Variants in PTPN11 observed in about 807,000 individuals in gnomAD.
PTPN11 encodes tyrosine-protein phosphatase non-receptor type 11.
Under a neutral mutation model 78.8 loss-of-function variants are expected in PTPN11, and 6 were observed. That is an observed-to-expected ratio of 0.08 (90% CI 0.04 to 0.15). PTPN11 has a LOEUF of 0.15. Among genes scored for constraint, PTPN11 ranks in the 10% least tolerant of loss-of-function variants. PTPN11 has a pLI of 1.00. For synonymous variants in PTPN11, 221 were observed against 263.5 expected, an observed-to-expected ratio of 0.84 and a Z score of 1.56; for missense variants, 386 against 744.8, an observed-to-expected ratio of 0.52 and a Z score of 5.61.
chr12:112,442,631 T>C (rs1034621536), intron 1 of PTPN11, among the ~76,000 whole-genome samples: 1 of 150,508 alleles, frequency 6.6e-6, no homozygotes, highest in Non-Finnish European at 1.5e-5. Context: ...TTTGTATTTT[T>C]AGTAGAGACA....
intron 1 of PTPN11, among the ~76,000 whole-genome samples, chr12:112,432,406 C>T (rs575935574): frequency 6.6e-6 from 1 of 152,162 alleles, no homozygotes; most frequent in Non-Finnish European, 1.5e-5. Context: ...TGGCTCTCAC[C>T]TGCAATCCCA....
intron 1 of PTPN11, among the ~76,000 whole-genome samples, chr12:112,431,110 A>T (rs2037706048): frequency 6.6e-6 from 1 of 152,176 alleles, no homozygotes; most frequent in African/African-American, 2.4e-5. Context: ...CCTCCTGTTG[A>T]CACCACCCGG....
chr12:112,496,519 A>G (rs1476417277), intron 13 of PTPN11, among the ~76,000 whole-genome samples: 1 of 152,220 alleles, frequency 6.6e-6, no homozygotes, highest in Non-Finnish European at 1.5e-5. Context: ...ATATATATCT[A>G]TAATTGTTTT....
intron 3 of PTPN11, among the ~76,000 whole-genome samples, chr12:112,452,284 T>TG (rs2038089903): frequency 6.6e-6 from 1 of 152,036 alleles, no homozygotes; most frequent in Non-Finnish European, 1.5e-5. Context: ...TGGAGTGCAA[T>TG]GGTGCGATCT....
chr12:112,491,450 C>T (rs992101309), intron 13 of PTPN11, among the ~76,000 whole-genome samples: 2 of 151,946 alleles, frequency 1.3e-5, no homozygotes, highest in African/African-American at 4.8e-5. Context: ...AACATTTATA[C>T]CCCTTTGTCT....
chr12:112,485,783 C>T (rs1366587779), intron 10 of PTPN11, among the ~76,000 whole-genome samples: 2 of 152,058 alleles, frequency 1.3e-5, no homozygotes, highest in African/African-American at 2.4e-5. Flanking sequence ...TTGCAACCAG[C>T]CTGGCCAATA....
At chr12:112,419,907 T>C (rs2037495284) in intron 1 of PTPN11, among the ~76,000 whole-genome samples, 2 of 152,192 alleles carry the variant, frequency 1.3e-5, no homozygotes, top group Non-Finnish European at 2.9e-5. Flanking sequence ...AGTGAGTTAA[T>C]GAGATCCTTT....
intron 13 of PTPN11, among the ~76,000 whole-genome samples, chr12:112,501,384 G>A (rs2038872732): frequency 6.6e-6 from 1 of 152,194 alleles, no homozygotes; most frequent in Admixed American, 6.5e-5. Flanking sequence ...CACTTTGGGA[G>A]GCTGAGGCAG....
intron 6 of PTPN11, among the ~76,000 whole-genome samples, chr12:112,467,472 G>C (rs559005314): frequency 6.6e-6 from 1 of 152,164 alleles, no homozygotes; most frequent in South Asian, 2.1e-4. Context: ...TGGCAAGGGT[G>C]GGGTGGGAGC....
intron 1 of PTPN11, chr12:112,428,777 A>C (rs2037663311): frequency 6.4e-6 from 1 of 157,260 alleles, no homozygotes; most frequent in African/African-American, 2.4e-5. Context: ...GACGGAGTTT[A>C]GCTCTTGTTG....
intron 1 of PTPN11, among the ~76,000 whole-genome samples, chr12:112,443,223 C>T (rs2037936253): frequency 6.6e-6 from 1 of 151,870 alleles, no homozygotes; most frequent in African/African-American, 2.4e-5. Context: ...AAACTGTTCC[C>T]TTTTATTTTG....
chr12:112,458,153 C>A (rs1013227465), intron 6 of PTPN11, among the ~76,000 whole-genome samples: 2 of 152,144 alleles, frequency 1.3e-5, no homozygotes, highest in Admixed American at 1.3e-4. Flanking sequence ...AGCTGAGGGG[C>A]CTAAGGGAGG....
intron 6 of PTPN11, among the ~76,000 whole-genome samples, chr12:112,470,554 G>A (rs1285019173): frequency 6.6e-6 from 1 of 152,184 alleles, no homozygotes; most frequent in Admixed American, 6.5e-5. Flanking sequence ...ACTTGATCTT[G>A]AAGGTGGAGG....
intron 6 of PTPN11, chr12:112,457,289 A>G (rs762362458): frequency 1.4e-5 from 5 of 369,620 alleles, no homozygotes; most frequent in South Asian, 9.7e-5. Context: ...TTCCTGTGTT[A>G]GTTTGCTGAG....
intron 1 of PTPN11, among the ~76,000 whole-genome samples, chr12:112,435,675 C>G (rs1594134938): frequency 7.4e-6 from 1 of 134,274 alleles, no homozygotes; most frequent in South Asian, 2.4e-4. Context: ...TTAAATACTA[C>G]AATATGACTA....
intron 13 of PTPN11, 48 bp from the exon 14 acceptor site, chr12:112,502,085 GCTTTTTATCCC>G: frequency 2.3e-6 from 3 of 1,324,134 alleles, no homozygotes; most frequent in Non-Finnish European, 3.2e-6. Context: ...TACCTTTTTT[GCTTTTTATCCC>G]CTTAAAATAA....
intron 9 of PTPN11, among the ~76,000 whole-genome samples, chr12:112,479,369 T>C (rs1289284653): frequency 6.6e-6 from 1 of 152,324 alleles, no homozygotes; most frequent in East Asian, 1.9e-4. Flanking sequence ...GTAGCAGTCA[T>C]ACCTATAAAT....
At chr12:112,421,159 C>T (rs898551244) in intron 1 of PTPN11, among the ~76,000 whole-genome samples, 2 of 152,020 alleles carry the variant, frequency 1.3e-5, no homozygotes, top group Non-Finnish European at 2.9e-5. Context: ...CCCAAAAAGC[C>T]GGGTTATGAA....
intron 3 of PTPN11, 35 bp from the exon 4 acceptor site, chr12:112,453,160 G>C: frequency 1.3e-6 from 2 of 1,563,372 alleles, no homozygotes; most frequent in Non-Finnish European, 1.8e-6. Flanking sequence ...ACCCATAGTA[G>C]AGCTAAATTC....
Sources: allele counts gnomAD v4.1 joint callset (sites outside exome capture counted in the v4.1 genomes callset), GRCh38; gene constraint gnomAD v4.1.1; transcripts MANE v1.5; gene names NCBI Gene and HGNC (gene_info 2026-07-23, HGNC 2026-07-21).